The following QKI variants were observed in gnomAD, a reference collection of about 807,000 sequenced individuals.
QKI encodes KH domain-containing RNA-binding protein QKI.
Under a neutral mutation model 39.0 loss-of-function variants are expected in QKI, and 10 were observed. That is an observed-to-expected ratio of 0.26 (90% CI 0.16 to 0.43). The LOEUF (loss-of-function observed/expected upper bound fraction) is 0.43. Among genes scored for constraint, QKI ranks in the 20% least tolerant of loss-of-function variants. The pLI is 1.00. For missense variants in QKI, 218 were observed against 428.0 expected (o/e 0.51, Z 4.33); for synonymous variants, 204 against 155.4 (o/e 1.31, Z -2.33).
intron 2 of QKI, 70 bp from the exon 3 acceptor site, chr6:163,478,710 C>A: frequency 1.0e-6 from 1 of 1,002,490 alleles, no homozygotes; most frequent in Non-Finnish European, 1.5e-6. Context: ...TGTAGATATA[C>A]TTTATATTTT....
chr6:163,535,002 G>T lies in QKI; in HGVS notation c.423G>T (p.Lys141Asn). Residue 141 changes from lysine to asparagine, a missense_variant, in exon 4 of 8, where the codon AAG becomes AAT. By Grantham distance (94) the Lys-to-Asn change is moderately conservative. This residue lies in a region of QKI where 61 missense variants were observed against 193.3 expected (regional missense o/e 0.32). Coordinates refer to ENST00000361752, the MANE Select transcript of QKI (RefSeq NM_006775.3). ...DKKKEEQNRG[K>N]PNWEHLNEDL... ...TTTAGGAGGAGCAAAATAGAGGCAA[G>T]CCCAATTGGGAGCATCTAAATGAAG... 6.2e-7 allele frequency: 1 copy of T among 1,608,356 alleles called. No individual in the cohort carries two copies. Among genetic ancestry groups the T allele is most frequent in the Non-Finnish European group, 8.5e-7 (1 of 1,177,688 alleles).
Position 163,415,180 on chromosome 6 carries a change from G to T in QKI, c.-14G>T, listed in dbSNP as rs1348193956. 7 of 1,533,144 alleles carry T rather than the reference G, an allele frequency of 4.6e-6. No homozygotes were observed. Among genetic ancestry groups the T allele is most frequent in the Non-Finnish European group, 6.2e-6 (7 of 1,132,980 alleles). The allele number at this position is 1,533,144 out of a possible 1,614,324, so 95.0% of individuals were successfully genotyped here. On this transcript the variant is annotated 5_prime_UTR_variant, in exon 1 of 8. Coordinates refer to ENST00000361752, the MANE Select transcript of QKI (RefSeq NM_006775.3). ...GCGGCGGCGGCGGGCGGAGTGAGCT[G>T]CGGAGCCTGGAATATGGTCGGGGAA... is the stretch of plus-strand genomic sequence containing the variant.
chr6:163,474,354 G>A (rs764619231), intron 2 of QKI, among the ~76,000 whole-genome samples: 2 of 152,042 alleles, frequency 1.3e-5, no homozygotes, highest in African/African-American at 4.8e-5. Context: ...AAAAATATAT[G>A]ATAGGAAAGG....
At chr6:163,476,829 T>G (rs1426019657) in intron 2 of QKI, among the ~76,000 whole-genome samples, 2 of 152,320 alleles carry the variant, frequency 1.3e-5, no homozygotes, top group Non-Finnish European at 2.9e-5. Context: ...AGGATTTGTA[T>G]TAGACTTGGT....
At chr6:163,456,778 G>A (rs1490613922) in intron 2 of QKI, among the ~76,000 whole-genome samples, 1 of 152,054 alleles carries the variant, frequency 6.6e-6, no homozygotes, top group South Asian at 2.1e-4. Flanking sequence ...GAGGATTAAA[G>A]GAATAGTTGG....
intron 7 of QKI, chr6:163,568,157 T>G (rs1192816382): frequency 1.2e-5 from 12 of 985,192 alleles, no homozygotes; most frequent in Non-Finnish European, 1.3e-5. Context: ...CACTTGAGTT[T>G]TAAAGAAACT....
chr6:163,505,596 A>T (rs1453167873), intron 3 of QKI, among the ~76,000 whole-genome samples: 1 of 152,148 alleles, frequency 6.6e-6, no homozygotes, highest in African/African-American at 2.4e-5. Context: ...GGACTTGCAT[A>T]GGGCTTGTGG....
At chr6:163,550,487 TG>T (rs369355686) in intron 4 of QKI, among the ~76,000 whole-genome samples, 32 of 152,222 alleles carry the variant, frequency 2.1e-4, no homozygotes, top group African/African-American at 7.5e-4. Flanking sequence ...ATCAGAGATT[TG>T]GGGGGAAGCT....
intron 7 of QKI, chr6:163,569,662 T>G: frequency 2.0e-6 from 2 of 1,000,602 alleles, no homozygotes; most frequent in South Asian, 4.0e-5. Context: ...TTTAAAGTTT[T>G]TTTGTCCTTT....
chr6:163,561,894 T>TA, intron 4 of QKI, 88 bp from the exon 5 acceptor site: 1 of 979,960 alleles, frequency 1.0e-6, no homozygotes, highest in South Asian at 1.7e-5. Context: ...AGTCACATGA[T>TA]ACTTACTTTA....
intron 1 of QKI, among the ~76,000 whole-genome samples, chr6:163,431,046 G>A (rs1183012384): frequency 6.6e-6 from 1 of 152,132 alleles, no homozygotes; most frequent in African/African-American, 2.4e-5. Context: ...TAGTTCTGAG[G>A]ATATGTTAAG....
At chr6:163,487,628 G>A (rs1583077433) in intron 3 of QKI, among the ~76,000 whole-genome samples, 3 of 151,846 alleles carry the variant, frequency 2.0e-5, no homozygotes, top group South Asian at 4.2e-4. Flanking sequence ...TTCACTGGGT[G>A]ATTTGTCTTG....
chr6:163,556,516 A>C (rs1782628983), intron 4 of QKI, among the ~76,000 whole-genome samples: 1 of 151,390 alleles, frequency 6.6e-6, no homozygotes. Context: ...AAAAAAAAAA[A>C]AAAAAAAACA....
chr6:163,472,137 T>A (rs1462219220), intron 2 of QKI, among the ~76,000 whole-genome samples: 1 of 152,170 alleles, frequency 6.6e-6, no homozygotes, highest in Non-Finnish European at 1.5e-5. Flanking sequence ...TACTGTCGAC[T>A]GGAAGCCTTA....
intron 1 of QKI, among the ~76,000 whole-genome samples, chr6:163,440,971 TG>T (rs1340992897): frequency 6.6e-6 from 1 of 152,200 alleles, no homozygotes. Flanking sequence ...TATTATGTTC[TG>T]AATATATTTT....
At chr6:163,569,087 T>G in intron 7 of QKI, 1 of 945,080 alleles carries the variant, frequency 1.1e-6, no homozygotes, top group Non-Finnish European at 1.3e-6. Flanking sequence ...ACATCAAAAA[T>G]GCTTTAAGAT....
At position 163,572,197 on chromosome 6, in the gene QKI, T is replaced by C. The variant is rs1236890193; in HGVS notation, c.*1487T>C. 6.6e-6 allele frequency: 1 copy of C among 152,254 alleles called. No individual in the cohort carries two copies. The highest frequency in any genetic ancestry group is 1.5e-5 in the Non-Finnish European group (1 of 68,034). 9.4% of individuals were successfully genotyped at this position (152,254 alleles called of 1,614,324 possible). A position where few individuals can be genotyped will look rare whatever the true frequency, so the allele number is the denominator to read the frequency against. On this transcript the variant is annotated 3_prime_UTR_variant, in exon 8 of 8. Coordinates refer to ENST00000361752, the MANE Select transcript of QKI (RefSeq NM_006775.3). ...ATTCTGAGATAAAAATTATGTGTCA[T>C]CTAAACTTCAGTTTACAGACAAAAT...
chr6:163,496,886 C>T (rs1208354742), intron 3 of QKI, among the ~76,000 whole-genome samples: 2 of 152,166 alleles, frequency 1.3e-5, no homozygotes, highest in Non-Finnish European at 2.9e-5. Flanking sequence ...CCCTTTTGCT[C>T]TCTTGTATTT....
In QKI at chr6:163,415,051, G is replaced by C. The variant is rs1787313875; in HGVS notation, c.-143G>C. On this transcript the variant is annotated 5_prime_UTR_variant, in exon 1 of 8. Transcript: ENST00000361752. ...CGCGGTGCCGGCCGCCCCGGGGCTC[G>C]GCGCGGGAGCCAGAGCGGGAGCCGG... The C allele has an allele frequency of 4.6e-6, 4 of 861,666 alleles. No homozygotes were observed. The highest frequency in any genetic ancestry group is 1.8e-5 in the African/African-American group (1 of 54,106). 53.4% of individuals were successfully genotyped at this position (861,666 alleles called of 1,614,324 possible).
Sources: allele counts gnomAD v4.1 joint callset (sites outside exome capture counted in the v4.1 genomes callset), GRCh38; gene constraint gnomAD v4.1.1; regional missense constraint gnomAD v4.1.1; transcripts MANE v1.5; gene names NCBI Gene and HGNC (gene_info 2026-07-23, HGNC 2026-07-21).